Variants in GPC5 observed in about 807,000 individuals in gnomAD.
GPC5 encodes glypican 5.
GPC5 carries 47 observed loss-of-function variants against 53.9 expected under a neutral mutation model. That is an observed-to-expected ratio of 0.87 (90% confidence interval 0.69 to 1.11). GPC5 has a LOEUF of 1.11. GPC5 is among the 50% of genes most tolerant of loss of function. The pLI, the probability that GPC5 is intolerant of heterozygous loss-of-function variation, is 0.00. For missense variants in GPC5, 748 were observed against 713.1 expected (o/e 1.05, Z -0.56); for synonymous variants, 286 against 263.3 (o/e 1.09, Z -0.84).
At chr13:92,854,323 T>C (rs966685889) in intron 7 of GPC5, among the ~76,000 whole-genome samples, 2 of 147,900 alleles carry the variant, frequency 1.4e-5, no homozygotes, top group Admixed American at 1.4e-4. Flanking sequence ...TATATATAGA[T>C]TACCCCAACT....
chr13:92,468,510 T>C (rs537022762), intron 7 of GPC5, among the ~76,000 whole-genome samples: 1 of 152,244 alleles, frequency 6.6e-6, no homozygotes, highest in African/African-American at 2.4e-5. Context: ...GCTGGGGATT[T>C]CCCAGGTTCT....
chr13:92,374,328 C>T (rs545587294), intron 7 of GPC5, among the ~76,000 whole-genome samples: 2 of 152,042 alleles, frequency 1.3e-5, no homozygotes, highest in African/African-American at 4.8e-5. Context: ...TAGCTGGGAG[C>T]AGTAATGGGA....
intron 6 of GPC5, among the ~76,000 whole-genome samples, chr13:91,934,664 C>T (rs991773814): frequency 2.6e-5 from 4 of 152,008 alleles, no homozygotes; most frequent in Non-Finnish European, 4.4e-5. Flanking sequence ...ACATGAACAG[C>T]GTCCCAGAAA....
intron 6 of GPC5, among the ~76,000 whole-genome samples, chr13:92,093,278 G>T (rs1460299840): frequency 2.6e-4 from 39 of 152,044 alleles, no homozygotes; most frequent in Non-Finnish European, 1.5e-5. Context: ...CAGTCACCAA[G>T]TTTATCAGTT....
In GPC5 at chr13:92,749,939, C is replaced by T. The variant is rs369373626; in HGVS notation, c.1562-116343C>T. ...AATGGGAATGTTATAGTAGAAGTAT[C>T]TGAACCAAACTGTTTCTCTCCCAGC... On this transcript the variant is annotated intron_variant, in intron 7 of 7. Transcript: ENST00000377067. Among the ~76,000 whole-genome samples, 9 of 152,276 alleles carry T rather than the reference C, an allele frequency of 5.9e-5. No individual in the cohort carries two copies. In the East Asian group the frequency reaches 1.2e-3, roughly 20 times the overall value.
intron 7 of GPC5, among the ~76,000 whole-genome samples, chr13:92,530,462 A>G (rs750649321): frequency 3.9e-5 from 6 of 152,102 alleles, no homozygotes; most frequent in Admixed American, 6.6e-5. Flanking sequence ...GAAGAATGGC[A>G]TTGAAGTTTT....
At chr13:91,821,556 G>A (rs1017345034) in intron 5 of GPC5, among the ~76,000 whole-genome samples, 1 of 152,142 alleles carries the variant, frequency 6.6e-6, no homozygotes, top group African/African-American at 2.4e-5. Context: ...TCATCAATAA[G>A]TGTGAAGTTT....
intron 6 of GPC5, among the ~76,000 whole-genome samples, chr13:92,107,465 T>C (rs2138921527): frequency 6.6e-6 from 1 of 152,216 alleles, no homozygotes; most frequent in South Asian, 2.1e-4. Context: ...TTAATAACCC[T>C]GCAGACTTAC....
chr13:92,169,100 G>C (rs948413106), intron 7 of GPC5, among the ~76,000 whole-genome samples: 1 of 152,160 alleles, frequency 6.6e-6, no homozygotes, highest in African/African-American at 2.4e-5. Flanking sequence ...AACACTGCAT[G>C]TTCTCGCTTC....
intron 2 of GPC5, among the ~76,000 whole-genome samples, chr13:91,658,733 G>A (rs961410514): frequency 2.6e-5 from 4 of 151,988 alleles, no homozygotes; most frequent in Admixed American, 6.6e-5. Context: ...CTGATTCTCC[G>A]GGCTCAACTT....
chr13:91,974,080 A>C (rs952727628), intron 6 of GPC5, among the ~76,000 whole-genome samples: 2 of 152,134 alleles, frequency 1.3e-5, no homozygotes, highest in Admixed American at 1.3e-4. Flanking sequence ...CCTCCCCCAG[A>C]GGTGGAATCT....
At chr13:92,409,342 G>T (rs372153716) in intron 7 of GPC5, among the ~76,000 whole-genome samples, 132 of 151,788 alleles carry the variant, frequency 8.7e-4, no homozygotes, top group African/African-American at 3.1e-3. Flanking sequence ...TATAGTAGAC[G>T]TAGAATCATA....
At chr13:92,025,195 T>A (rs2040790971) in intron 6 of GPC5, among the ~76,000 whole-genome samples, 1 of 152,186 alleles carries the variant, frequency 6.6e-6, no homozygotes, top group South Asian at 2.1e-4. Context: ...TTGTTATATT[T>A]GATTTTAAGT....
intron 6 of GPC5, among the ~76,000 whole-genome samples, chr13:92,064,008 A>C (rs1210842400): frequency 6.6e-6 from 1 of 152,168 alleles, no homozygotes; most frequent in East Asian, 1.9e-4. Context: ...AGAGAGAGAG[A>C]GAGCTGCCAT....
intron 2 of GPC5, among the ~76,000 whole-genome samples, chr13:91,570,767 A>G (rs550966707): frequency 2.0e-5 from 3 of 152,294 alleles, no homozygotes; most frequent in South Asian, 2.1e-4. Flanking sequence ...AAACTCATCA[A>G]CCAAAATTTT....
At chr13:92,360,574 A>AG (rs35089463) in intron 7 of GPC5, among the ~76,000 whole-genome samples, 13,686 of 151,704 alleles carry the variant, frequency 0.09, 812 homozygotes, top group Middle Eastern at 0.15. Flanking sequence ...GCACAAAACA[A>AG]GGATGCCCCT....
chr13:92,569,303 T>C (rs993261936), intron 7 of GPC5, among the ~76,000 whole-genome samples: 7 of 152,058 alleles, frequency 4.6e-5, no homozygotes, highest in Non-Finnish European at 1.0e-4. Flanking sequence ...TAGGTACTAT[T>C]GTTAACTCCT....
Position 92,304,246 on chromosome 13 carries a change from C to T in GPC5, c.1561+159257C>T, listed in dbSNP as rs569993148. Among the ~76,000 whole-genome samples the T allele has an allele frequency of 1.3e-4, 20 of 151,768 alleles. No individual in the cohort carries two copies. In the South Asian group the frequency reaches 4.0e-3, roughly 30 times the overall value. The stretch of plus-strand genomic sequence containing the variant: ...TTTAGACAGAGTCTCTCTCTGTCCC[C>T]CAGGCTGGAGTGCAGTGGCAGGATC... On this transcript the variant is annotated intron_variant, in intron 7 of 7. Coordinates refer to ENST00000377067, the MANE Select transcript of GPC5 (RefSeq NM_004466.6).
In GPC5 at chr13:92,503,051, A is replaced by C. The variant is rs369986565; in HGVS notation, c.1561+358062A>C. On this transcript the variant is annotated intron_variant, in intron 7 of 7. Transcript: ENST00000377067. Reference sequence around the variant, plus strand: ...ACAGGAACACCTCCAGATATTTGAAAATTTAACACATTTTCTTCTTTTAAA... The same window carrying C: ...ACAGGAACACCTCCAGATATTTGAACATTTAACACATTTTCTTCTTTTAAA... Among the ~76,000 whole-genome samples, 606 of 152,146 alleles carry C rather than the reference A, an allele frequency of 4.0e-3. 2 individuals carry two copies. The highest frequency in any genetic ancestry group is 0.014 in the African/African-American group (570 of 41,562).
Sources: gnomAD v4.1 joint callset for allele counts (sites outside exome capture counted in the v4.1 genomes callset) on GRCh38, gnomAD v4.1.1 for gene constraint, MANE v1.5 for transcripts, NCBI Gene and HGNC (gene_info 2026-07-23, HGNC 2026-07-21) for gene names.